ABCG1: variants seen among roughly 807,000 people sequenced by gnomAD.
The protein encoded by ABCG1 is ATP binding cassette subfamily G member 1, also known as ATP-binding cassette sub-family G member 1.
ABCG1 carries 29 observed loss-of-function variants against 69.2 expected under a neutral mutation model. The ratio of observed to expected loss-of-function variants is 0.42; its 90% CI spans 0.31 to 0.57. ABCG1 has a LOEUF of 0.57. ABCG1 is among the 20% of genes least tolerant of loss of function. The probability of loss-of-function intolerance (pLI) is 0.15; values close to 1 mark genes in which losing one functional copy is unlikely to be tolerated. For missense variants in ABCG1, 718 were observed against 898.1 expected, an observed-to-expected ratio of 0.80 and a Z score of 2.56; for synonymous variants, 370 against 374.8, an observed-to-expected ratio of 0.99 and a Z score of 0.15.
intron 2 of ABCG1, among the ~76,000 whole-genome samples, chr21:42,237,558 T>G (rs2067995240): frequency 6.6e-6 from 1 of 152,230 alleles, no homozygotes; most frequent in African/African-American, 2.4e-5. Context: ...CTTCCAAAAT[T>G]ACCCCTGCGT....
At chr21:42,238,600 A>G (rs574779181) in intron 2 of ABCG1, among the ~76,000 whole-genome samples, 17 of 152,330 alleles carry the variant, frequency 1.1e-4, no homozygotes, top group Admixed American at 4.6e-4. Flanking sequence ...AACTATTTAT[A>G]TTTCAGTATC....
chr21:42,213,387 C>G (rs547570980), upstream of ABCG1, among the ~76,000 whole-genome samples: 1 of 152,362 alleles, frequency 6.6e-6, no homozygotes, highest in Admixed American at 6.5e-5. Flanking sequence ...AGGGTAGGAG[C>G]TATGGAGGCA....
At chr21:42,216,529 G>A (rs1313086504), upstream of ABCG1, among the ~76,000 whole-genome samples, 1 of 152,166 alleles carries the variant, frequency 6.6e-6, no homozygotes, top group Admixed American at 6.5e-5. Flanking sequence ...GCAACCCCCT[G>A]ATGCAGTGGT....
chr21:42,261,117 G>C (rs1002703258), intron 2 of ABCG1, among the ~76,000 whole-genome samples: 4 of 151,944 alleles, frequency 2.6e-5, no homozygotes, highest in Admixed American at 6.6e-5. Context: ...CACCGTACCC[G>C]GCCCCTCTCT....
Position 42,288,381 on chromosome 21 carries a change from G to A in ABCG1, c.1224+69G>A, listed in dbSNP as rs954382553. On this transcript the variant is annotated intron_variant, in intron 10 of 14. Coordinates refer to ENST00000398449, the MANE Select transcript of ABCG1 (RefSeq NM_016818.3). The surrounding 1 kb of genome is among the most constrained non-coding windows in gnomAD (Gnocchi z 4.8). ...GTCATTTTCTCAGACTCGTCCTGAC[G>A]GAATGTGTTCGTTCATTCTCACATT... is the stretch of plus-strand genomic sequence containing the variant. 41 of 1,181,844 alleles carry A rather than the reference G, an allele frequency of 3.5e-5. No individual in the cohort carries two copies. Among genetic ancestry groups the A allele is most frequent in the Non-Finnish European group, 2.9e-5 (23 of 804,628 alleles). The allele number at this position is 1,181,844 out of a possible 1,614,324, so 73.2% of individuals were successfully genotyped here.
intron 1 of ABCG1, among the ~76,000 whole-genome samples, chr21:42,225,273 C>T (rs774556000): frequency 1.3e-5 from 2 of 152,228 alleles, no homozygotes; most frequent in Admixed American, 6.5e-5. Flanking sequence ...ATAAGTTTCT[C>T]GGTTTTTTAT....
intron 2 of ABCG1, chr21:42,260,289 G>A (rs979863341): frequency 2.1e-5 from 30 of 1,434,406 alleles, no homozygotes; most frequent in Non-Finnish European, 2.6e-5. Flanking sequence ...ATGGTGGCCC[G>A]GCTGGGGCCA....
rs2068828848 is a variant in ABCG1 at position 42,282,427 on chromosome 21, A to C, written c.734+8A>C. On this transcript the variant is annotated splice_region_variant and intron_variant, in intron 6 of 14. Coordinates refer to ENST00000398449, the MANE Select transcript of ABCG1 (RefSeq NM_016818.3). ...CTTCGATGAGCCCACCAGGTAAGTC[A>C]GGAGCATCTGAGCTGGTGTCCAGGG... 15 of 1,608,654 alleles carry C rather than the reference A, an allele frequency of 9.3e-6. No individual in the cohort carries two copies. Among genetic ancestry groups the C allele is most frequent in the Non-Finnish European group, 1.1e-5 (13 of 1,176,118 alleles).
chr21:42,237,423 C>A (rs896294932), intron 2 of ABCG1, among the ~76,000 whole-genome samples: 1 of 152,200 alleles, frequency 6.6e-6, no homozygotes, highest in Non-Finnish European at 1.5e-5. Flanking sequence ...CTAGGGGAAG[C>A]CTTCCTTCAT....
chr21:42,214,575 T>C (rs2067619897), upstream of ABCG1, among the ~76,000 whole-genome samples: 1 of 152,242 alleles, frequency 6.6e-6, no homozygotes, highest in Non-Finnish European at 1.5e-5. Context: ...GAGCACCTGC[T>C]GTGTTGTCCC....
At chr21:42,222,929 CACT>C (rs1307680155) in intron 1 of ABCG1, among the ~76,000 whole-genome samples, 1 of 152,190 alleles carries the variant, frequency 6.6e-6, no homozygotes, top group African/African-American at 2.4e-5. Flanking sequence ...CCTTCACCCC[CACT>C]ACCAACAGCA....
At chr21:42,228,396 G>C (rs1046511566) in intron 2 of ABCG1, among the ~76,000 whole-genome samples, 5 of 152,134 alleles carry the variant, frequency 3.3e-5, no homozygotes, top group African/African-American at 1.2e-4. Flanking sequence ...GCCCTCCCCA[G>C]CCACAGCAGC....
At chr21:42,259,279 C>A in intron 2 of ABCG1, 1 of 1,517,562 alleles carries the variant, frequency 6.6e-7, no homozygotes, top group South Asian at 1.3e-5. Context: ...GATCTGTGCT[C>A]TGCCTGAGTT....
At position 42,288,152 on chromosome 21, in the gene ABCG1, A is replaced by T. The variant is rs748874388; in HGVS notation, c.1123-59A>T. ...GCTGCATGAGAGCTCTTTCCGAGCAAGAAGGAGCCGTGGCTCCGGACTGGC... is the reference window on the plus strand; with the variant it reads ...GCTGCATGAGAGCTCTTTCCGAGCATGAAGGAGCCGTGGCTCCGGACTGGC... On this transcript the variant is annotated intron_variant, in intron 9 of 14. Coordinates refer to ENST00000398449, the MANE Select transcript of ABCG1 (RefSeq NM_016818.3). This position sits in a 1 kb window ranked among gnomAD's most constrained non-coding sequence, Gnocchi z 4.8. 1 of 1,611,008 alleles carries T rather than the reference A, an allele frequency of 6.2e-7. No individual in the cohort carries two copies. Among genetic ancestry groups the T allele is most frequent in the South Asian group, 1.1e-5 (1 of 91,002 alleles).
intron 2 of ABCG1, among the ~76,000 whole-genome samples, chr21:42,208,922 C>T (rs1054410294): frequency 6.6e-6 from 1 of 152,150 alleles, no homozygotes; most frequent in African/African-American, 2.4e-5. Context: ...AAAGCTTAGG[C>T]TCCACAAGGT....
rs1420672302 is a variant in ABCG1 at position 42,291,061 on chromosome 21, G to A, written c.1394-31G>A. On this transcript the variant is annotated intron_variant, in intron 11 of 14. Transcript: ENST00000398449. This position sits in a 1 kb window ranked among gnomAD's most constrained non-coding sequence, Gnocchi z 6.4. Reference sequence around the variant, plus strand: ...AACGGGCTCGCTGCACATGGTCACTGACCCTTCTTTTTTGCTTTTCTATCT... The same window carrying A: ...AACGGGCTCGCTGCACATGGTCACTAACCCTTCTTTTTTGCTTTTCTATCT... 1.3e-6 allele frequency: 2 copies of A among 1,556,280 alleles called. No homozygotes were observed. Among genetic ancestry groups the A allele is most frequent in the Admixed American group, 1.7e-5 (1 of 59,696 alleles).
chr21:42,243,751 A>C lies in ABCG1; in HGVS notation c.286+17837A>C, dbSNP rs554196022. 1.1e-4 allele frequency among the ~76,000 whole-genome samples: 16 copies of C among 151,226 alleles called. No individual in the cohort carries two copies. In the East Asian group the frequency reaches 3.1e-3, roughly 29 times the overall value. ...GCGGTGGTGGAGAGAAGCAAAGAGA[A>C]GTGCAGTTTCTATCTAAACTAGTAA... On this transcript the variant is annotated intron_variant, in intron 2 of 14. Coordinates refer to ENST00000398449, the MANE Select transcript of ABCG1 (RefSeq NM_016818.3).
intron 1 of ABCG1, among the ~76,000 whole-genome samples, chr21:42,222,305 T>C (rs925127976): frequency 6.6e-6 from 1 of 152,248 alleles, no homozygotes; most frequent in Non-Finnish European, 1.5e-5. Context: ...GACAGGCCAC[T>C]GCCTCGCATC....
chr21:42,275,137 GA>G (rs2068687635), intron 4 of ABCG1, among the ~76,000 whole-genome samples: 1 of 152,188 alleles, frequency 6.6e-6, no homozygotes, highest in South Asian at 2.1e-4. Flanking sequence ...AGTGGCACGT[GA>G]AGGGCAGTGC....
Sources: gnomAD v4.1 joint callset for allele counts (sites outside exome capture counted in the v4.1 genomes callset) on GRCh38, gnomAD v4.1.1 for gene constraint, Gnocchi (gnomAD v3.1) non-coding constraint, MANE v1.5 for transcripts, NCBI Gene and HGNC (gene_info 2026-07-23, HGNC 2026-07-21) for gene names.